Variants in SNAP91 observed in about 807,000 individuals in gnomAD.
SNAP91 encodes clathrin coat assembly protein AP180.
SNAP91 carries 27 observed loss-of-function variants against 100.3 expected under a neutral mutation model. That is an observed-to-expected ratio of 0.27 (90% CI 0.20 to 0.37). The LOEUF is 0.37. Among genes scored for constraint, SNAP91 ranks in the 10% least tolerant of loss-of-function variants. The pLI, the probability that SNAP91 is intolerant of heterozygous loss-of-function variation, is 1.00. For synonymous variants in SNAP91, 404 were observed against 398.6 expected, an observed-to-expected ratio of 1.01 and a Z score of -0.16; for missense variants, 986 against 1,123.7, an observed-to-expected ratio of 0.88 and a Z score of 1.75.
chr6:83,593,693 T>A lies in SNAP91; in HGVS notation c.1481A>T (p.Asp494Val). The A allele has an allele frequency of 6.2e-7, 1 of 1,608,274 alleles. No homozygotes were observed. Among genetic ancestry groups the A allele is most frequent in the Non-Finnish European group, 8.5e-7 (1 of 1,175,650 alleles). Reference sequence around the variant, plus strand: ...CTCAGGTGGCTTCATTGCAAAGAGGTCCAGCTCAGGTGCAGCCTCTGCACT... The same window carrying A: ...CTCAGGTGGCTTCATTGCAAAGAGGACCAGCTCAGGTGCAGCCTCTGCACT... Reference protein sequence around the residue: ...EGSAEAAPELDLFAMKPPETS... With the variant: ...EGSAEAAPELVLFAMKPPETS... Residue 494 changes from aspartate to valine, a missense_variant, in exon 18 of 30, where the codon GAC (aspartate) becomes GTC (valine). This residue lies in a region of SNAP91 where 575 missense variants were observed against 579.9 expected (regional missense o/e 0.99). Coordinates refer to ENST00000369694, the MANE Select transcript of SNAP91 (RefSeq NM_001242792.2).
chr6:83,600,690 T>C (rs1386361286), intron 16 of SNAP91, among the ~76,000 whole-genome samples: 1 of 152,246 alleles, frequency 6.6e-6, no homozygotes, highest in African/African-American at 2.4e-5. Context: ...CAAGTGCTGC[T>C]TCAGATGTTT....
intron 2 of SNAP91, among the ~76,000 whole-genome samples, chr6:83,702,094 A>G (rs182063627): frequency 6.2e-4 from 94 of 152,364 alleles, no homozygotes; most frequent in Admixed American, 1.3e-3. Flanking sequence ...ATAAATAAAC[A>G]ATACATTTTT....
intron 11 of SNAP91, among the ~76,000 whole-genome samples, chr6:83,611,863 A>ATTTTTTTTT (rs750966269): frequency 1.6e-3 from 148 of 91,260 alleles, no homozygotes; most frequent in East Asian, 1.9e-3. Context: ...CGCCCGGCTA[A>ATTTTTTTTT]TTTTTTTTTT....
chr6:83,657,770 ATTT>A (rs11364155), intron 6 of SNAP91, among the ~76,000 whole-genome samples: 6 of 142,690 alleles, frequency 4.2e-5, no homozygotes, highest in African/African-American at 1.5e-4. Flanking sequence ...CAGATTTCAG[ATTT>A]TTTTTTTTTT....
At chr6:83,557,896 C>G (rs1781216834) in intron 28 of SNAP91, among the ~76,000 whole-genome samples, 1 of 151,584 alleles carries the variant, frequency 6.6e-6, no homozygotes, top group Non-Finnish European at 1.5e-5. Context: ...ACTTTGTTTT[C>G]TGAAGCTACA....
At chr6:83,607,329 T>TTGTGTGTGTGTGTGTGTGTGTGTG (rs61335064) in intron 13 of SNAP91, among the ~76,000 whole-genome samples, 9 of 144,886 alleles carry the variant, frequency 6.2e-5, no homozygotes, top group African/African-American at 2.3e-4. Context: ...CCAAGTTGGG[T>TTGTGTGTGTGTGTGTGTGTGTGTG]TGTGTGTGTG....
chr6:83,705,956 C>A (rs1274522171), intron 2 of SNAP91, among the ~76,000 whole-genome samples: 2 of 152,174 alleles, frequency 1.3e-5, no homozygotes, highest in Admixed American at 6.5e-5. Context: ...AATAATTCAA[C>A]ACCAGTTCCT....
intron 25 of SNAP91, chr6:83,575,374 A>T: frequency 2.2e-6 from 1 of 453,796 alleles, no homozygotes; most frequent in South Asian, 2.6e-5. Flanking sequence ...TATCCTCTAT[A>T]AAGAAAAGTA....
chr6:83,684,613 C>A (rs1309777070), intron 2 of SNAP91, among the ~76,000 whole-genome samples: 1 of 152,154 alleles, frequency 6.6e-6, no homozygotes, highest in Non-Finnish European at 1.5e-5. Context: ...ATTCACATAT[C>A]TGTGCACTTT....
intron 14 of SNAP91, among the ~76,000 whole-genome samples, chr6:83,604,433 T>A (rs1030797354): frequency 3.3e-5 from 5 of 152,166 alleles, no homozygotes; most frequent in African/African-American, 1.2e-4. Context: ...CGTGCCAACA[T>A]TTTAAATGTT....
intron 3 of SNAP91, among the ~76,000 whole-genome samples, chr6:83,663,089 C>G (rs760575515): frequency 2.0e-5 from 3 of 152,064 alleles, no homozygotes; most frequent in Non-Finnish European, 4.4e-5. Context: ...ATGAACTGTG[C>G]CCATAAATGA....
intron 13 of SNAP91, among the ~76,000 whole-genome samples, chr6:83,606,899 T>C (rs2095649910): frequency 6.6e-6 from 1 of 152,130 alleles, no homozygotes; most frequent in Admixed American, 6.5e-5. Flanking sequence ...AGAACAGTAA[T>C]AGAAAGGAGT....
rs1244316751 is a variant in SNAP91 at position 83,607,707 on chromosome 6, G to A, written c.1014C>T (p.Val338=). The change falls in exon 13 of 30, where the codon GTC becomes GTT. Residue 338 remains valine, a synonymous_variant. Transcript: ENST00000369694. ...CATATTTATTTACCAACCTGACTGGGACAGCCGCAGATGCAGTTGCAAATA... is the reference window on the plus strand; with the variant it reads ...CATATTTATTTACCAACCTGACTGGAACAGCCGCAGATGCAGTTGCAAATA... The part of the protein sequence containing the change: ...VDLFATASAA[V]PVSTSKPSSD... 1.3e-6 allele frequency: 2 copies of A among 1,570,292 alleles called. No individual in the cohort carries two copies. Among genetic ancestry groups the A allele is most frequent in the Middle Eastern group, 1.7e-4 (1 of 6,020 alleles).
chr6:83,607,295 C>T (rs1464272983), intron 13 of SNAP91, among the ~76,000 whole-genome samples: 2 of 151,316 alleles, frequency 1.3e-5, no homozygotes, highest in African/African-American at 2.4e-5. Flanking sequence ...TCCTCATACG[C>T]ACTAGCTAAT....
chr6:83,644,959 C>T lies in SNAP91; in HGVS notation c.659-3757G>A, dbSNP rs1460372639. Among the ~76,000 whole-genome samples, 3 of 152,272 alleles carry T rather than the reference C, an allele frequency of 2.0e-5. No individual in the cohort carries two copies. The East Asian group carries it at 5.8e-4, about 29-fold the overall frequency. On this transcript the variant is annotated intron_variant, in intron 7 of 29. Transcript: ENST00000369694. ...AAATATGTAAATTCAAAATGCTAGT[C>T]TGAGCATCTGGGAGTGGTTCTAATA...
At chr6:83,559,978 C>T (rs1784593801) in intron 28 of SNAP91, 126 bp downstream of exon 28, 2 of 780,534 alleles carry the variant, frequency 2.6e-6, no homozygotes, top group African/African-American at 1.7e-5. Context: ...TCCAAGCTCC[C>T]TTTACTTCTG....
chr6:83,678,107 A>G (rs1310288956), intron 2 of SNAP91, among the ~76,000 whole-genome samples: 1 of 152,220 alleles, frequency 6.6e-6, no homozygotes, highest in Non-Finnish European at 1.5e-5. Context: ...TATGTCAGGT[A>G]AATTAACACA....
At position 83,665,419 on chromosome 6, in the gene SNAP91, GAA is replaced by G. The variant is rs925108750; in HGVS notation, c.273+18_273+19del. On this transcript the variant is annotated intron_variant, in intron 3 of 29. Coordinates refer to ENST00000369694, the MANE Select transcript of SNAP91 (RefSeq NM_001242792.2). ...AAGCCTCCTTCCTCCATCAAAAAAAGAAAAGTTTACTTAGTTTACCTCATTTC... is the reference window on the plus strand; with the variant it reads ...AAGCCTCCTTCCTCCATCAAAAAAAGAAGTTTACTTAGTTTACCTCATTTC... The G allele has an allele frequency of 1.2e-6, 2 of 1,601,936 alleles. No individual in the cohort carries two copies. The highest frequency in any genetic ancestry group is 1.7e-6 in the Non-Finnish European group (2 of 1,174,986).
intron 22 of SNAP91, 46 bp from the exon 23 acceptor site, chr6:83,582,402 G>A (rs1292401867): frequency 1.3e-6 from 2 of 1,558,674 alleles, no homozygotes; most frequent in South Asian, 1.2e-5. Context: ...CATAAAGGTG[G>A]GTAAAGGCCA....
Sources: allele counts gnomAD v4.1 joint callset (sites outside exome capture counted in the v4.1 genomes callset), GRCh38; gene constraint gnomAD v4.1.1; regional missense constraint gnomAD v4.1.1; transcripts MANE v1.5; gene names NCBI Gene and HGNC (gene_info 2026-07-23, HGNC 2026-07-21).